Variants in MAMDC2 observed in about 807,000 individuals in gnomAD.
MAMDC2 encodes the protein MAM domain-containing protein 2.
MAMDC2 carries 57 observed loss-of-function variants against 89.8 expected under a neutral mutation model. The ratio of observed to expected loss-of-function variants is 0.63; its 90% CI spans 0.51 to 0.79. MAMDC2 has a LOEUF of 0.79. Ranked by LOEUF, MAMDC2 falls within the 30% of genes least tolerant of loss-of-function variation. The probability of loss-of-function intolerance (pLI) is 0.00; values close to 1 mark genes in which losing one functional copy is unlikely to be tolerated. For missense variants in MAMDC2, 800 were observed against 820.6 expected, an observed-to-expected ratio of 0.97 and a Z score of 0.31; for synonymous variants, 313 against 293.4, an observed-to-expected ratio of 1.07 and a Z score of -0.68.
intron 2 of MAMDC2, among the ~76,000 whole-genome samples, chr9:70,054,018 T>C (rs1322260092): frequency 1.3e-5 from 2 of 152,254 alleles, no homozygotes; most frequent in East Asian, 3.9e-4. Context: ...ATTTCTAGTT[T>C]GGGCAGCTGT....
At position 70,170,478 on chromosome 9, in the gene MAMDC2, G is replaced by C; in HGVS notation, c.1499-1G>C. 1.2e-6 allele frequency: 2 copies of C among 1,601,956 alleles called. No homozygotes were observed. Among genetic ancestry groups the C allele is most frequent in the Non-Finnish European group, 1.7e-6 (2 of 1,176,038 alleles). ...TTGCAACATCTGCTATTTTCTTGCA[G>C]AGAAACTTCCACCTCCACCTGGAGA... On this transcript the variant is annotated splice_acceptor_variant, in intron 10 of 13. Coordinates refer to ENST00000377182, the MANE Select transcript of MAMDC2 (RefSeq NM_153267.5). LOFTEE classifies it high-confidence loss of function.
chr9:70,133,805 C>T (rs992775725), intron 7 of MAMDC2, among the ~76,000 whole-genome samples: 1 of 152,146 alleles, frequency 6.6e-6, no homozygotes, highest in Non-Finnish European at 1.5e-5. Flanking sequence ...CATCATGAGA[C>T]AGTATTATTT....
intron 2 of MAMDC2, among the ~76,000 whole-genome samples, chr9:70,100,023 A>C (rs2997697): frequency 0.067 from 9,515 of 142,866 alleles, 1,000 homozygotes; most frequent in African/African-American, 0.23. Flanking sequence ...AGAGAGAGAG[A>C]GCACAAGCAC....
At chr9:70,044,834 A>G in intron 2 of MAMDC2, 137 bp downstream of exon 2, 1 of 751,660 alleles carries the variant, frequency 1.3e-6, no homozygotes, top group Non-Finnish European at 2.2e-6. Flanking sequence ...TCCTCCTTCA[A>G]GCCCTCAGCT....
At chr9:70,192,236 C>A (rs2032895433) in intron 11 of MAMDC2, among the ~76,000 whole-genome samples, 1 of 152,042 alleles carries the variant, frequency 6.6e-6, no homozygotes, top group Non-Finnish European at 1.5e-5. Flanking sequence ...AAAAAATGGT[C>A]TTTTTTTCTA....
chr9:70,080,613 C>T (rs3015176), intron 2 of MAMDC2, among the ~76,000 whole-genome samples: 28,035 of 151,902 alleles, frequency 0.18, 3,607 homozygotes, highest in African/African-American at 0.37. Flanking sequence ...TTGGTTGGGC[C>T]GTGTGTGTAT....
chr9:70,088,879 G>GAT (rs1485026147), intron 2 of MAMDC2: 2 of 152,012 alleles, frequency 1.3e-5, no homozygotes, highest in Non-Finnish European at 2.9e-5. Flanking sequence ...AAAATATTTT[G>GAT]ATAGTATAGT....
At chr9:70,119,324 T>C (rs2030178215) in intron 5 of MAMDC2, among the ~76,000 whole-genome samples, 1 of 152,034 alleles carries the variant, frequency 6.6e-6, no homozygotes. Context: ...AAGGTTAGAG[T>C]TATTTAATTC....
intron 7 of MAMDC2, among the ~76,000 whole-genome samples, chr9:70,139,338 T>C (rs1240760675): frequency 7.1e-6 from 1 of 140,206 alleles, no homozygotes; most frequent in Middle Eastern, 3.7e-3. Flanking sequence ...GTTCTCATTG[T>C]TCAATTCCCA....
chr9:70,066,563 T>A (rs1425201339), intron 2 of MAMDC2, among the ~76,000 whole-genome samples: 2 of 152,138 alleles, frequency 1.3e-5, no homozygotes, highest in African/African-American at 4.8e-5. Flanking sequence ...GAGATCATAG[T>A]GGCTTAGGAA....
intron 9 of MAMDC2, among the ~76,000 whole-genome samples, chr9:70,150,702 C>T (rs2031553376): frequency 6.6e-6 from 1 of 152,186 alleles, no homozygotes; most frequent in African/African-American, 2.4e-5. Context: ...CCTTCAGTGA[C>T]ACCCCTAAAA....
intron 9 of MAMDC2, among the ~76,000 whole-genome samples, chr9:70,158,247 C>T (rs1480855888): frequency 6.6e-6 from 1 of 152,156 alleles, no homozygotes; most frequent in Non-Finnish European, 1.5e-5. Flanking sequence ...CCAACACACC[C>T]AGCCAAAGAA....
chr9:70,198,297 C>T (rs1166912581), intron 11 of MAMDC2, among the ~76,000 whole-genome samples: 1 of 151,722 alleles, frequency 6.6e-6, no homozygotes, highest in African/African-American at 2.4e-5. Flanking sequence ...CAATTTCAGG[C>T]ATCCAGTGGG....
At chr9:70,113,231 G>C in intron 5 of MAMDC2, 99 bp downstream of exon 5, 3 of 1,373,464 alleles carry the variant, frequency 2.2e-6, no homozygotes, top group South Asian at 1.3e-5. Context: ...TGTCAACAGG[G>C]AAGAGAGGAG....
chr9:70,191,634 C>G (rs1223467967), intron 11 of MAMDC2, among the ~76,000 whole-genome samples: 1 of 152,014 alleles, frequency 6.6e-6, no homozygotes, highest in Non-Finnish European at 1.5e-5. Flanking sequence ...TAGAATAGAG[C>G]AAGTCACCTC....
At chr9:70,191,061 C>CT (rs966315195) in intron 11 of MAMDC2, among the ~76,000 whole-genome samples, 1 of 152,096 alleles carries the variant, frequency 6.6e-6, no homozygotes, top group African/African-American at 2.4e-5. Context: ...AAAAAGGTCA[C>CT]TGTTCTTAGC....
rs541636164 is a variant in MAMDC2, at chr9:70,168,909, C to T, written c.1498+114C>T. On this transcript the variant is annotated intron_variant, in intron 10 of 13. Coordinates refer to ENST00000377182, the MANE Select transcript of MAMDC2 (RefSeq NM_153267.5). Reference sequence around the variant, plus strand: ...CTAGTCCATCCTTTGCTTTTGTTGACAAAGTGTCTCCTGCAGAGCTGTGTA... The same window carrying T: ...CTAGTCCATCCTTTGCTTTTGTTGATAAAGTGTCTCCTGCAGAGCTGTGTA... 97 of 848,242 alleles carry T rather than the reference C, an allele frequency of 1.1e-4. 1 individual carries two copies. The Admixed American group carries it at 1.9e-3, about 16-fold the overall frequency. 52.5% of individuals were successfully genotyped at this position (848,242 alleles called of 1,614,324 possible).
At chr9:70,146,312 C>G (rs943302083) in intron 9 of MAMDC2, among the ~76,000 whole-genome samples, 1 of 152,162 alleles carries the variant, frequency 6.6e-6, no homozygotes, top group Non-Finnish European at 1.5e-5. Context: ...CAGAGAAGTT[C>G]TTACAGCACT....
chr9:70,103,557 A>G (rs1379381759), intron 2 of MAMDC2, among the ~76,000 whole-genome samples: 1 of 152,206 alleles, frequency 6.6e-6, no homozygotes, highest in African/African-American at 2.4e-5. Flanking sequence ...ATAGCTGTAA[A>G]TCTTCGTGAC....
Sources: allele counts gnomAD v4.1 joint callset (sites outside exome capture counted in the v4.1 genomes callset), GRCh38; gene constraint gnomAD v4.1.1; transcripts MANE v1.5; gene names NCBI Gene and HGNC (gene_info 2026-07-23, HGNC 2026-07-21).